ADCY5: variants seen among roughly 807,000 people sequenced by gnomAD.
The protein encoded by ADCY5 is adenylate cyclase type 5.
ADCY5 carries 30 observed loss-of-function variants against 119.7 expected under a neutral mutation model. The observed-to-expected ratio is 0.25, with a 90% CI of 0.19 to 0.34. The LOEUF is 0.34. ADCY5 is among the 10% of genes least tolerant of loss of function. The pLI is 1.00. For missense variants in ADCY5, 1,324 were observed against 1,775.2 expected (o/e 0.75, Z 4.57); for synonymous variants, 753 against 762.2 (o/e 0.99, Z 0.20).
At chr3:123,422,344 G>T (rs6799662) in intron 1 of ADCY5, among the ~76,000 whole-genome samples, 150,780 of 152,348 alleles carry the variant, frequency 0.99, 74,637 homozygotes, top group Middle Eastern at 1. Context: ...CTCTCGGGCT[G>T]CCCACGGAAG....
At chr3:123,398,485 C>G (rs1944665999) in intron 1 of ADCY5, among the ~76,000 whole-genome samples, 1 of 151,954 alleles carries the variant, frequency 6.6e-6, no homozygotes. Context: ...CACCCCAGCC[C>G]CTTGTCGCCT....
At chr3:123,403,359 C>T (rs1031983363) in intron 1 of ADCY5, among the ~76,000 whole-genome samples, 4 of 129,400 alleles carry the variant, frequency 3.1e-5, no homozygotes, top group Non-Finnish European at 6.2e-5. Flanking sequence ...CCAGCCTAGG[C>T]AACAGAGCGA....
intron 1 of ADCY5, among the ~76,000 whole-genome samples, chr3:123,378,064 G>A (rs1346178130): frequency 6.6e-6 from 1 of 152,012 alleles, no homozygotes; most frequent in East Asian, 1.9e-4. Flanking sequence ...CTCAACCAAA[G>A]CTTCTGAACA....
intron 15 of ADCY5, among the ~76,000 whole-genome samples, chr3:123,298,532 A>G (rs1031759517): frequency 1.3e-5 from 2 of 152,166 alleles, no homozygotes; most frequent in African/African-American, 4.8e-5. Context: ...CTTTGTGGTC[A>G]TCTGCCCATA....
chr3:123,350,362 C>T (rs1411620972), intron 2 of ADCY5, among the ~76,000 whole-genome samples: 1 of 152,206 alleles, frequency 6.6e-6, no homozygotes. Context: ...CTCTGTGGGT[C>T]GGTCTGGTCT....
At chr3:123,380,126 T>C (rs1457359597) in intron 1 of ADCY5, among the ~76,000 whole-genome samples, 1 of 152,306 alleles carries the variant, frequency 6.6e-6, no homozygotes, top group Non-Finnish European at 1.5e-5. Flanking sequence ...CTCCCCAGTC[T>C]TCTCAGAAAC....
chr3:123,437,542 G>A (rs968683159), intron 1 of ADCY5, among the ~76,000 whole-genome samples: 1 of 152,216 alleles, frequency 6.6e-6, no homozygotes. Flanking sequence ...TTAAAAATCG[G>A]AATAAAAAAT....
At chr3:123,398,396 C>T (rs897391539) in intron 1 of ADCY5, among the ~76,000 whole-genome samples, 1 of 152,168 alleles carries the variant, frequency 6.6e-6, no homozygotes, top group African/African-American at 2.4e-5. Context: ...TGAGACAACA[C>T]AGGATCCTGA....
chr3:123,382,557 C>A (rs1944065968), intron 1 of ADCY5, among the ~76,000 whole-genome samples: 1 of 152,170 alleles, frequency 6.6e-6, no homozygotes, highest in South Asian at 2.1e-4. Context: ...ATAAAATATG[C>A]TATCTATACA....
At chr3:123,395,082 A>T (rs1944504582) in intron 1 of ADCY5, among the ~76,000 whole-genome samples, 1 of 152,190 alleles carries the variant, frequency 6.6e-6, no homozygotes, top group Admixed American at 6.5e-5. Flanking sequence ...TGTGATGTGC[A>T]GAAGGGCTCC....
chr3:123,426,369 G>C (rs886216781), intron 1 of ADCY5, among the ~76,000 whole-genome samples: 1 of 149,574 alleles, frequency 6.7e-6, no homozygotes, highest in Non-Finnish European at 1.5e-5. Flanking sequence ...TGTCACCCAG[G>C]CTGGAGTGCA....
intron 1 of ADCY5, among the ~76,000 whole-genome samples, chr3:123,377,640 T>C (rs545035187): frequency 6.6e-6 from 1 of 152,250 alleles, no homozygotes; most frequent in South Asian, 2.1e-4. Flanking sequence ...CCTGGGGAAG[T>C]TGCATCCTCT....
intron 1 of ADCY5, among the ~76,000 whole-genome samples, chr3:123,437,004 G>C (rs1945629640): frequency 6.6e-6 from 1 of 152,252 alleles, no homozygotes; most frequent in South Asian, 2.1e-4. Context: ...CTGAGACAAG[G>C]ATTTGAGTAC....
rs561167832 is a variant in ADCY5 at position 123,436,179 on chromosome 3, T to G, written c.1134+11233A>C. 4.0e-5 allele frequency among the ~76,000 whole-genome samples: 6 copies of G among 151,896 alleles called. No homozygotes were observed. The South Asian group carries it at 1.3e-3, about 32-fold the overall frequency. On this transcript the variant is annotated intron_variant, in intron 1 of 20. Transcript: ENST00000462833. ...TGTTGGCATTATAGGTGTGAGCCAC[T>G]GCACCTGGCCAAGACCCCATTTTTA... is the stretch of plus-strand genomic sequence containing the variant.
At chr3:123,345,516 C>G (rs558933180) in intron 3 of ADCY5, among the ~76,000 whole-genome samples, 243 of 152,276 alleles carry the variant, frequency 1.6e-3, no homozygotes, top group African/African-American at 5.6e-3. Flanking sequence ...AAGACAGGAC[C>G]AGGAGAGAAA....
chr3:123,393,310 G>C (rs189609138), intron 1 of ADCY5, among the ~76,000 whole-genome samples: 1,947 of 152,060 alleles, frequency 0.013, 24 homozygotes, highest in Non-Finnish European at 0.021. Flanking sequence ...CCAGCACTTT[G>C]GGAGGCAGAA....
At chr3:123,369,131 G>T (rs971710669) in intron 1 of ADCY5, among the ~76,000 whole-genome samples, 8 of 152,022 alleles carry the variant, frequency 5.3e-5, no homozygotes, top group African/African-American at 1.9e-4. Flanking sequence ...ATCAGGGTGG[G>T]GCCCCCATGA....
At position 123,283,923 on chromosome 3, in the gene ADCY5, AAAGAAGGGCACGG is replaced by A. The variant is rs1469021818; in HGVS notation, c.*672_*684del. The A allele has an allele frequency of 6.6e-6, 1 of 152,228 alleles. No homozygotes were observed. Among genetic ancestry groups the A allele is most frequent in the Non-Finnish European group, 1.5e-5 (1 of 68,060 alleles). 9.4% of individuals were successfully genotyped at this position (152,228 alleles called of 1,614,324 possible). On this transcript the variant is annotated 3_prime_UTR_variant, in exon 21 of 21. Coordinates refer to ENST00000462833, the MANE Select transcript of ADCY5 (RefSeq NM_183357.3). ...TACACGCATACAACTAGCATAGTCT[AAAGAAGGGCACGG>A]AGAACTTGTTTTGTTTTATTTAATA... is the stretch of plus-strand genomic sequence containing the variant.
At chr3:123,359,204 G>C (rs527560707) in intron 1 of ADCY5, among the ~76,000 whole-genome samples, 2 of 151,522 alleles carry the variant, frequency 1.3e-5, no homozygotes, top group African/African-American at 4.9e-5. Context: ...AGAACTTCCC[G>C]GGGAGCCAGA....
Sources: allele counts gnomAD v4.1 joint callset (sites outside exome capture counted in the v4.1 genomes callset), GRCh38; gene constraint gnomAD v4.1.1; transcripts MANE v1.5; gene names NCBI Gene and HGNC (gene_info 2026-07-23, HGNC 2026-07-21).